The following C8orf74 variants were observed in gnomAD, a reference collection of about 807,000 sequenced individuals.
C8orf74 encodes the protein chromosome 8 open reading frame 74.
In C8orf74, 29 loss-of-function variants were observed where a neutral mutation model predicts 22.2. The observed-to-expected ratio is 1.31, with a 90% confidence interval of 0.97 to 1.78. The LOEUF is 1.78. Ranked by LOEUF, C8orf74 falls within the 40% of genes most tolerant of loss-of-function variation. C8orf74 has a pLI of 0.00. For missense variants in C8orf74, 515 were observed against 369.9 expected (o/e 1.39, Z -3.22); for synonymous variants, 255 against 163.1 (o/e 1.56, Z -4.30).
intron 2 of C8orf74, among the ~76,000 whole-genome samples, chr8:10,676,505 G>A (rs968340171): frequency 8.5e-5 from 13 of 152,126 alleles, no homozygotes; most frequent in South Asian, 2.1e-4. Context: ...AATGTCCCAC[G>A]GCACCTCTGT....
Position 10,674,774 on chromosome 8 carries a change from C to G in C8orf74, c.177C>G (p.Gly59=), listed in dbSNP as rs374850367. The G allele has an allele frequency of 1.2e-6, 2 of 1,607,206 alleles. No homozygotes were observed. The highest frequency in any genetic ancestry group is 1.7e-6 in the Non-Finnish European group (2 of 1,176,958). ...GCATCATCTTTGCAGTGGGCAAAGG[C>G]TTCCCATGGGTGGAGGTGGCCCAGG... ...YESIIFAVGK[G]FPWVEVAQVV... Residue 59 remains glycine (G), a synonymous_variant, in exon 2 of 4, where the codon GGC becomes GGG. Coordinates refer to ENST00000304519, the MANE Select transcript of C8orf74 (RefSeq NM_001040032.2).
intron 2 of C8orf74, among the ~76,000 whole-genome samples, chr8:10,675,178 A>C (rs897651651): frequency 3.9e-5 from 6 of 152,218 alleles, no homozygotes; most frequent in African/African-American, 1.4e-4. Flanking sequence ...CCCTTCATGG[A>C]CCTGAAGGGC....
chr8:10,675,661 C>T (rs972605742), intron 2 of C8orf74: 5 of 152,192 alleles, frequency 3.3e-5, no homozygotes, highest in Admixed American at 3.3e-4. Flanking sequence ...AGTAAAAGGC[C>T]ACACACAGAA....
intron 2 of C8orf74, among the ~76,000 whole-genome samples, chr8:10,683,279 C>T (rs1336214627): frequency 6.6e-6 from 1 of 152,232 alleles, no homozygotes; most frequent in African/African-American, 2.4e-5. Flanking sequence ...GTGGCCCAGG[C>T]CTACCTGGCA....
At chr8:10,685,520 G>T (rs532898124) in intron 2 of C8orf74, among the ~76,000 whole-genome samples, 1 of 152,194 alleles carries the variant, frequency 6.6e-6, no homozygotes, top group Non-Finnish European at 1.5e-5. Context: ...AAGACATTAC[G>T]TTACGTGAAA....
At chr8:10,683,254 G>C (rs1024594391) in intron 2 of C8orf74, among the ~76,000 whole-genome samples, 3 of 152,240 alleles carry the variant, frequency 2.0e-5, no homozygotes, top group African/African-American at 7.2e-5. Context: ...CAGCAGGAAG[G>C]CTCCAGGATG....
chr8:10,682,519 C>T (rs1799172935), intron 2 of C8orf74, among the ~76,000 whole-genome samples: 1 of 152,188 alleles, frequency 6.6e-6, no homozygotes, highest in South Asian at 2.1e-4. Context: ...TTGTGGTCTC[C>T]CTCTGTGCAC....
At chr8:10,684,921 A>G (rs556093569) in intron 2 of C8orf74, among the ~76,000 whole-genome samples, 2 of 152,336 alleles carry the variant, frequency 1.3e-5, no homozygotes, top group South Asian at 4.1e-4. Flanking sequence ...TCGACGGCCC[A>G]TCTGATAACG....
At chr8:10,676,375 T>C (rs1182475578) in intron 2 of C8orf74, among the ~76,000 whole-genome samples, 1 of 152,092 alleles carries the variant, frequency 6.6e-6, no homozygotes, top group African/African-American at 2.4e-5. Flanking sequence ...ACCTCACCAC[T>C]TCTGACCACC....
At chr8:10,691,057 C>T (rs989932555) in intron 2 of C8orf74, 9 of 408,376 alleles carry the variant, frequency 2.2e-5, no homozygotes, top group African/African-American at 8.1e-5. Flanking sequence ...AACCCGAGGC[C>T]CAGGGAGTGT....
chr8:10,676,147 A>C (rs1448003742), intron 2 of C8orf74, among the ~76,000 whole-genome samples: 1 of 152,098 alleles, frequency 6.6e-6, no homozygotes, highest in Non-Finnish European at 1.5e-5. Flanking sequence ...CTTTTCATTT[A>C]ATTTATTTTG....
chr8:10,697,787 G>T lies in C8orf74; in HGVS notation c.430G>T (p.Val144Leu). 6.2e-7 allele frequency: 1 copy of T among 1,614,056 alleles called. No homozygotes were observed. The highest frequency in any genetic ancestry group is 1.1e-5 in the South Asian group (1 of 91,080). The change falls in exon 3 of 4, where the codon GTG becomes TTG. Residue 144 changes from valine (V) to leucine (L), a missense_variant. Coordinates refer to ENST00000304519, the MANE Select transcript of C8orf74 (RefSeq NM_001040032.2). ...QVDLTVAHLE[V>L]CMPPHPLPLA... is the part of the protein sequence containing the mutation. ...CGACCTGACCGTTGCCCACCTGGAG[G>T]TGTGCATGCCACCCCATCCCCTCCC...
intron 2 of C8orf74, among the ~76,000 whole-genome samples, chr8:10,685,493 G>A (rs541251844): frequency 5.9e-5 from 9 of 152,316 alleles, no homozygotes; most frequent in East Asian, 3.9e-4. Flanking sequence ...CCCATGCTAC[G>A]ACACGGAGGA....
intron 1 of C8orf74, 57 bp downstream of exon 1, chr8:10,672,770 G>A: frequency 6.7e-7 from 1 of 1,489,430 alleles, no homozygotes; most frequent in Non-Finnish European, 9.2e-7. Context: ...TGGGCACATA[G>A]GGAGGTGGGC....
At chr8:10,699,504 G>A (rs1011208679) in intron 3 of C8orf74, among the ~76,000 whole-genome samples, 7 of 152,238 alleles carry the variant, frequency 4.6e-5, no homozygotes, top group Admixed American at 3.3e-4. Flanking sequence ...TGTGTCCCCT[G>A]ACAATAGCTC....
chr8:10,672,716 G>A lies in C8orf74; in HGVS notation c.48+3G>A. 1.3e-6 allele frequency: 2 copies of A among 1,556,024 alleles called. No individual in the cohort carries two copies. The highest frequency in any genetic ancestry group is 1.7e-6 in the Non-Finnish European group (2 of 1,149,012). ...TGAAAGAAGTCTTCCAACTTCAGGT[G>A]AAGGAAGAGAAAATGTGGCTTTTAA... On this transcript the variant is annotated splice_donor_region_variant and intron_variant, in intron 1 of 3. Coordinates refer to ENST00000304519, the MANE Select transcript of C8orf74 (RefSeq NM_001040032.2).
At position 10,697,879 on chromosome 8, in the gene C8orf74, C is replaced by A; in HGVS notation, c.522C>A (p.Ala174=). The change falls in exon 3 of 4, where the codon GCC becomes GCA. Residue 174 remains alanine, a synonymous_variant. Transcript: ENST00000304519. Reference sequence around the variant, plus strand: ...AGCAGGTGGCCACACTGACGGAGGCCGAGGCACAGAAGCGCGCCGACGTGC... The same window carrying A: ...AGCAGGTGGCCACACTGACGGAGGCAGAGGCACAGAAGCGCGCCGACGTGC... ...HEQQVATLTE[A]EAQKRADVLL... is the part of the protein sequence containing the mutation. 1.2e-6 allele frequency: 2 copies of A among 1,612,742 alleles called. No individual in the cohort carries two copies. The highest frequency in any genetic ancestry group is 1.7e-6 in the Non-Finnish European group (2 of 1,179,304).
intron 2 of C8orf74, chr8:10,686,966 T>A (rs1012623693): frequency 2.6e-6 from 1 of 379,400 alleles, no homozygotes; most frequent in Non-Finnish European, 5.3e-6. Context: ...TGCCCGCCCA[T>A]CCCACCATAG....
intron 2 of C8orf74, among the ~76,000 whole-genome samples, chr8:10,677,619 C>T (rs1799060609): frequency 6.6e-6 from 1 of 152,062 alleles, no homozygotes; most frequent in African/African-American, 2.4e-5. Flanking sequence ...ATAGACCCTG[C>T]CCCCACCACC....
Sources: allele counts gnomAD v4.1 joint callset (sites outside exome capture counted in the v4.1 genomes callset), GRCh38; gene constraint gnomAD v4.1.1; transcripts MANE v1.5; gene names NCBI Gene and HGNC (gene_info 2026-07-23, HGNC 2026-07-21).